SEMA3E: variants seen among roughly 807,000 people sequenced by gnomAD.
The protein encoded by SEMA3E is semaphorin-3E.
In SEMA3E, 49 loss-of-function variants were observed where a neutral mutation model predicts 93.6. The observed-to-expected ratio is 0.52, with a 90% CI of 0.42 to 0.66. The LOEUF (loss-of-function observed/expected upper bound fraction) is 0.66. SEMA3E is among the 30% of genes least tolerant of loss of function. The pLI is 0.00. For missense variants in SEMA3E, 906 were observed against 964.8 expected, an observed-to-expected ratio of 0.94 and a Z score of 0.81; for synonymous variants, 363 against 330.7, an observed-to-expected ratio of 1.10 and a Z score of -1.06.
At position 83,407,203 on chromosome 7, in the gene SEMA3E, T is replaced by C. The variant is rs774036972; in HGVS notation, c.707A>G (p.Asn236Ser). The C allele has an allele frequency of 1.6e-5, 26 of 1,613,298 alleles. No individual in the cohort carries two copies. In the South Asian group the frequency reaches 2.4e-4, roughly 15 times the overall value. ...KFVGSYMIPDNEDRDDNKVYF... is the reference protein window; with the variant it reads ...KFVGSYMIPDSEDRDDNKVYF... ...TACTTTGTTGTCATCTCTGTCTTCA[T>C]TGTCAGGAATCATGTATGAACCTAC... Residue 236 changes from asparagine to serine, a missense_variant, in exon 7 of 17, where the codon AAT (asparagine) becomes AGT (serine). Physicochemically the swap from Asn to Ser is conservative, Grantham distance 46. Coordinates refer to ENST00000643230, the MANE Select transcript of SEMA3E (RefSeq NM_012431.3).
rs969123606 is a variant in SEMA3E at position 83,646,285 on chromosome 7, T to C, written c.115+2143A>G. Among the ~76,000 whole-genome samples the C allele has an allele frequency of 2.1e-4, 32 of 152,174 alleles. 1 individual carries two copies. Among genetic ancestry groups the C allele is most frequent in the Admixed American group, 2.6e-4 (4 of 15,276 alleles). Reference sequence around the variant, plus strand: ...CTTATTCCTAGTTTTTGAAGACTTCTAAAATATTCACTGAATTCCAGAGTC... The same window carrying C: ...CTTATTCCTAGTTTTTGAAGACTTCCAAAATATTCACTGAATTCCAGAGTC... On this transcript the variant is annotated intron_variant, in intron 1 of 16. Coordinates refer to ENST00000643230, the MANE Select transcript of SEMA3E (RefSeq NM_012431.3).
chr7:83,531,416 G>T (rs1165730196), intron 1 of SEMA3E, among the ~76,000 whole-genome samples: 1 of 122,390 alleles, frequency 8.2e-6, no homozygotes, highest in African/African-American at 3.0e-5. Context: ...ATGCAATCTT[G>T]ACTCACTGCA....
At chr7:83,409,027 G>A (rs901892429) in intron 5 of SEMA3E, among the ~76,000 whole-genome samples, 1 of 152,148 alleles carries the variant, frequency 6.6e-6, no homozygotes, top group African/African-American at 2.4e-5. Context: ...CCAATCAGTT[G>A]TCATTCAATT....
intron 1 of SEMA3E, among the ~76,000 whole-genome samples, chr7:83,565,146 G>A (rs1412689089): frequency 6.6e-6 from 1 of 152,024 alleles, no homozygotes; most frequent in Non-Finnish European, 1.5e-5. Context: ...ACTAAACCAA[G>A]AAGAAGTTGA....
chr7:83,429,456 T>G lies in SEMA3E; in HGVS notation c.457-10973A>C, dbSNP rs564301349. Among the ~76,000 whole-genome samples the G allele has an allele frequency of 4.6e-5, 7 of 152,336 alleles. No homozygotes were observed. The South Asian group carries it at 1.2e-3, about 27-fold the overall frequency. On this transcript the variant is annotated intron_variant, in intron 4 of 16. Transcript: ENST00000643230. ...GACAGCTCTGCCTACTGGCTAGGTA[T>G]GCCACGGTGTCCTAGAGTATTTGAA... is the stretch of plus-strand genomic sequence containing the variant.
intron 1 of SEMA3E, among the ~76,000 whole-genome samples, chr7:83,501,075 T>C (rs1262045043): frequency 6.6e-6 from 1 of 152,216 alleles, no homozygotes; most frequent in Non-Finnish European, 1.5e-5. Flanking sequence ...TTATACAATA[T>C]TTAAAACTTA....
At chr7:83,420,853 CTCTAACT>C (rs1562774616) in intron 4 of SEMA3E, among the ~76,000 whole-genome samples, 6 of 145,022 alleles carry the variant, frequency 4.1e-5, no homozygotes, top group Admixed American at 6.8e-5. Flanking sequence ...AATATAAGAC[CTCTAACT>C]ATAAGAATCC....
intron 2 of SEMA3E, among the ~76,000 whole-genome samples, chr7:83,477,908 T>A (rs1790051417): frequency 6.9e-6 from 1 of 145,298 alleles, no homozygotes; most frequent in African/African-American, 2.6e-5. Flanking sequence ...ATATACAAAT[T>A]AAGTAATGTA....
intron 1 of SEMA3E, 22 bp downstream of exon 1, chr7:83,648,406 A>G: frequency 6.9e-7 from 1 of 1,449,620 alleles, no homozygotes; most frequent in South Asian, 1.2e-5. Context: ...TTTAAACAAA[A>G]GGATCTGGAA....
intron 1 of SEMA3E, among the ~76,000 whole-genome samples, chr7:83,577,435 A>C (rs1159910868): frequency 6.6e-6 from 1 of 152,242 alleles, no homozygotes; most frequent in Non-Finnish European, 1.5e-5. Context: ...CAGAGGGCAT[A>C]ATGTAATCTC....
intron 2 of SEMA3E, among the ~76,000 whole-genome samples, chr7:83,470,445 C>T (rs567967666): frequency 6.6e-6 from 1 of 151,880 alleles, no homozygotes; most frequent in Non-Finnish European, 1.5e-5. Flanking sequence ...GTGTTTTGAA[C>T]TTTATTTTAT....
At chr7:83,441,063 A>C (rs954205883) in intron 4 of SEMA3E, among the ~76,000 whole-genome samples, 4 of 152,180 alleles carry the variant, frequency 2.6e-5, no homozygotes, top group African/African-American at 9.7e-5. Context: ...GCAGAGACAT[A>C]GTGAGATTAA....
chr7:83,597,731 T>C (rs1028490690), intron 1 of SEMA3E, among the ~76,000 whole-genome samples: 3 of 152,176 alleles, frequency 2.0e-5, no homozygotes, highest in Non-Finnish European at 2.9e-5. Context: ...TAAACTAATA[T>C]GAATTCATCA....
At chr7:83,646,143 G>T (rs1297449842) in intron 1 of SEMA3E, among the ~76,000 whole-genome samples, 1 of 151,962 alleles carries the variant, frequency 6.6e-6, no homozygotes, top group African/African-American at 2.4e-5. Context: ...TATACCTAGT[G>T]CCTCTTATAT....
chr7:83,390,933 A>G (rs979230912), intron 14 of SEMA3E, among the ~76,000 whole-genome samples: 1 of 152,314 alleles, frequency 6.6e-6, no homozygotes, highest in East Asian at 1.9e-4. Flanking sequence ...AAACTGCTCA[A>G]TTAAAATTCA....
chr7:83,368,670 G>T (rs1027837604), intron 16 of SEMA3E, among the ~76,000 whole-genome samples: 1 of 152,144 alleles, frequency 6.6e-6, no homozygotes, highest in Non-Finnish European at 1.5e-5. Context: ...TGCTCTAAAG[G>T]ATCAGACGGA....
chr7:83,592,357 G>A (rs779815101), intron 1 of SEMA3E, among the ~76,000 whole-genome samples: 2 of 152,034 alleles, frequency 1.3e-5, no homozygotes, highest in Admixed American at 6.6e-5. Context: ...TGCTGTACTT[G>A]CAAAGTGTAA....
chr7:83,368,999 A>G (rs562976715), intron 16 of SEMA3E, among the ~76,000 whole-genome samples: 1 of 152,304 alleles, frequency 6.6e-6, no homozygotes, highest in South Asian at 2.1e-4. Context: ...TGTTGTGAAG[A>G]TTAAAGAAAA....
chr7:83,469,376 C>A, intron 2 of SEMA3E, 74 bp from the exon 3 acceptor site: 6 of 999,474 alleles, frequency 6.0e-6, no homozygotes, highest in Non-Finnish European at 9.3e-6. Context: ...ATTTCACTTT[C>A]TTCTACAGTT....
Sources: allele counts gnomAD v4.1 joint callset (sites outside exome capture counted in the v4.1 genomes callset), GRCh38; gene constraint gnomAD v4.1.1; transcripts MANE v1.5; gene names NCBI Gene and HGNC (gene_info 2026-07-23, HGNC 2026-07-21).